The following KLC3 variants were observed in gnomAD, a reference collection of about 807,000 sequenced individuals.
KLC3 encodes the protein kinesin light chain 2.
A neutral mutation model predicts 62.9 loss-of-function variants in KLC3; 72 were observed. The ratio of observed to expected loss-of-function variants is 1.15; its 90% CI spans 0.95 to 1.39. KLC3 has a LOEUF of 1.39. KLC3 is among the 40% of genes most tolerant of loss of function. The probability of loss-of-function intolerance (pLI) is 0.00; values close to 1 mark genes in which losing one functional copy is unlikely to be tolerated. For missense variants in KLC3, 848 were observed against 691.6 expected (o/e 1.23, Z -2.54); for synonymous variants, 377 against 300.5 (o/e 1.25, Z -2.63).
chr19:45,350,713 C>T lies in KLC3; in HGVS notation c.1345C>T (p.Arg449Trp), dbSNP rs531834422. 2.5e-5 allele frequency: 40 copies of T among 1,613,258 alleles called. No homozygotes were observed. The highest frequency in any genetic ancestry group is 1.7e-4 in the Middle Eastern group (1 of 6,042). Reference sequence around the variant, plus strand: ...GCGAGGAAGTGAGAAGCTGGTCTCCCGGCTCCGAGGCGAGGCGGCGGCAGG... The same window carrying T: ...GCGAGGAAGTGAGAAGCTGGTCTCCTGGCTCCGAGGCGAGGCGGCGGCAGG... ...IRRGSEKLVS[R>W]LRGEAAAGAA... The change falls in exon 11 of 13, where the codon CGG (arginine) becomes TGG (tryptophan). Residue 449 changes from arginine to tryptophan, a missense_variant. Physicochemically the swap from Arg to Trp is moderately radical, Grantham distance 101. Transcript: ENST00000391946.
chr19:45,341,578 T>TGTGTGTGTGCGCGCGTGC, intron 1 of KLC3, among the ~76,000 whole-genome samples: 1 of 139,800 alleles, frequency 7.2e-6, no homozygotes, highest in Non-Finnish European at 1.6e-5. Context: ...TGTGTGTGTG[T>TGTGTGTGTGCGCGCGTGC]GCGCGCGCGC....
chr19:45,348,942 C>T, intron 7 of KLC3, 21 bp downstream of exon 7: 3 of 1,544,148 alleles, frequency 1.9e-6, no homozygotes, highest in Non-Finnish European at 2.6e-6. Flanking sequence ...CCTCACCCCA[C>T]CCCGAGGAAC....
Position 45,350,652 on chromosome 19 carries a change from C to T in KLC3, c.1284C>T (p.Arg428=), listed in dbSNP as rs3916902. ...CGGCCCCTCCCCAGGCCCTTCGCCGCAGCAGCTCACTCTCCAAGATCCGTG... is the reference window on the plus strand; with the variant it reads ...CGGCCCCTCCCCAGGCCCTTCGCCGTAGCAGCTCACTCTCCAAGATCCGTG... ...TAGDAEQALR[R]SSSLSKIRES... Residue 428 remains arginine (R), a synonymous_variant, in exon 11 of 13, where the codon CGC becomes CGT. Coordinates refer to ENST00000391946, the MANE Select transcript of KLC3 (RefSeq NM_177417.3). The T allele has an allele frequency of 1.1e-3, 1,762 of 1,613,596 alleles. 38 individuals are homozygous for T. The South Asian group carries it at 0.018, about 17-fold the overall frequency.
At chr19:45,349,705 GC>G (rs767321436) in intron 8 of KLC3, 103 bp downstream of exon 8, 60 of 789,220 alleles carry the variant, frequency 7.6e-5, no homozygotes, top group South Asian at 1.2e-4. Context: ...GTGGGGGGGG[GC>G]CCCCCAGGCC....
At chr19:45,345,161 G>C (rs1971462975) in intron 1 of KLC3, 4 of 414,810 alleles carry the variant, frequency 9.6e-6, no homozygotes, top group Admixed American at 4.2e-5. Context: ...TCTGGGCCAG[G>C]GGATCCAAGG....
At position 45,350,641 on chromosome 19, in the gene KLC3, G is replaced by A. The variant is rs1302648570; in HGVS notation, c.1273G>A (p.Ala425Thr). Residue 425 changes from alanine (A) to threonine (T), a missense_variant and splice_region_variant, in exon 11 of 13, where the codon GCC becomes ACC. Ala to Thr is a moderately conservative substitution (Grantham distance 58). Coordinates refer to ENST00000391946, the MANE Select transcript of KLC3 (RefSeq NM_177417.3). ...NTGTAGDAEQALRRSSSLSKI... is the reference protein window; with the variant it reads ...NTGTAGDAEQTLRRSSSLSKI... ...AGCAGCATCCCCGGCCCCTCCCCAGGCCCTTCGCCGCAGCAGCTCACTCTC... is the reference window on the plus strand; with the variant it reads ...AGCAGCATCCCCGGCCCCTCCCCAGACCCTTCGCCGCAGCAGCTCACTCTC... The A allele has an allele frequency of 1.9e-6, 3 of 1,613,386 alleles. No homozygotes were observed. The highest frequency in any genetic ancestry group is 2.2e-5 in the East Asian group (1 of 44,842).
rs1255221011 is a variant in KLC3 at position 45,346,705 on chromosome 19, G to A, written c.420G>A (p.Leu140=). The change falls in exon 3 of 13, where the codon CTG becomes CTA. Residue 140 remains leucine (L), a synonymous_variant. Transcript: ENST00000391946. ...CCAGCGAGGAGTCCGTGGCCCAGCTGGAGGAGGAGAAGCGCCACCTGGAGT... is the reference window on the plus strand; with the variant it reads ...CCAGCGAGGAGTCCGTGGCCCAGCTAGAGGAGGAGAAGCGCCACCTGGAGT... ...LRASEESVAQ[L]EEEKRHLEFL... 1.9e-6 allele frequency: 3 copies of A among 1,577,142 alleles called. No individual in the cohort carries two copies. The highest frequency in any genetic ancestry group is 1.7e-6 in the Non-Finnish European group (2 of 1,162,962).
intron 3 of KLC3, 106 bp downstream of exon 3, chr19:45,346,880 C>A (rs897482654): frequency 4.7e-6 from 5 of 1,072,226 alleles, no homozygotes; most frequent in Non-Finnish European, 6.7e-6. Flanking sequence ...TCCTTAGAAT[C>A]CCACAGTCCC....
At chr19:45,341,701 C>T (rs947687297) in intron 1 of KLC3, among the ~76,000 whole-genome samples, 4 of 148,412 alleles carry the variant, frequency 2.7e-5, no homozygotes, top group African/African-American at 1.0e-4. Context: ...AGAAGTGGAG[C>T]TGTTTCATGG....
Position 45,351,415 on chromosome 19 carries a change from G to GGTGGGGTGAGAGGGGGTCTATC in KLC3, c.*59_*80dup. 1 of 1,596,894 alleles carries GGTGGGGTGAGAGGGGGTCTATC rather than the reference G, an allele frequency of 6.3e-7. No homozygotes were observed. Among genetic ancestry groups the GGTGGGGTGAGAGGGGGTCTATC allele is most frequent in the South Asian group, 1.1e-5 (1 of 90,694 alleles). ...GGGAACAGTGCAGGAGGGATGGGCT[G>GGTGGGGTGAGAGGGGGTCTATC]GTGGGGTGAGAGGGGGTCTATCATC... On this transcript the variant is annotated 3_prime_UTR_variant, in exon 13 of 13. Transcript: ENST00000391946.
rs202158624 is a variant in KLC3 at position 45,348,683 on chromosome 19, C to G, written c.817C>G (p.His273Asp). 4 of 1,596,384 alleles carry G rather than the reference C, an allele frequency of 2.5e-6. No individual in the cohort carries two copies. Among genetic ancestry groups the G allele is most frequent in the Non-Finnish European group, 3.4e-6 (4 of 1,171,852 alleles). ...NKYKEATDLLHDALQIREQTL... is the reference protein window; with the variant it reads ...NKYKEATDLLDDALQIREQTL... Reference sequence around the variant, plus strand: ...GTACAAAGAAGCCACAGACCTTCTCCATGATGCCCTGCAGATCCGGGAGCA... The same window carrying G: ...GTACAAAGAAGCCACAGACCTTCTCGATGATGCCCTGCAGATCCGGGAGCA... Residue 273 changes from histidine (H) to aspartate (D), a missense_variant, in exon 6 of 13, where the codon CAT becomes GAT. By Grantham distance (81) the His-to-Asp change is moderately conservative. Coordinates refer to ENST00000391946, the MANE Select transcript of KLC3 (RefSeq NM_177417.3).
At chr19:45,343,777 A>G (rs532861735) in intron 1 of KLC3, among the ~76,000 whole-genome samples, 3 of 152,226 alleles carry the variant, frequency 2.0e-5, no homozygotes, top group Non-Finnish European at 4.4e-5. Context: ...GTTTTTACTG[A>G]GTTGTATATT....
Position 45,348,070 on chromosome 19 carries a change from G to A in KLC3, c.689G>A (p.Cys230Tyr). The change falls in exon 5 of 13, where the codon TGC becomes TAC. Residue 230 changes from cysteine (C) to tyrosine (Y), a missense_variant. Coordinates refer to ENST00000391946, the MANE Select transcript of KLC3 (RefSeq NM_177417.3). Reference sequence around the variant, plus strand: ...CGCTATGAGGTGGCGGTGCCTCTGTGCCGCCAGGCCTTGGAGGACCTGGAG... The same window carrying A: ...CGCTATGAGGTGGCGGTGCCTCTGTACCGCCAGGCCTTGGAGGACCTGGAG... ...QGRYEVAVPL[C>Y]RQALEDLERS... The A allele has an allele frequency of 2.5e-6, 4 of 1,602,160 alleles. No individual in the cohort carries two copies. Among genetic ancestry groups the A allele is most frequent in the Non-Finnish European group, 3.4e-6 (4 of 1,174,702 alleles).
At chr19:45,345,827 G>C in intron 2 of KLC3, 28 bp downstream of exon 2, 2 of 1,533,162 alleles carry the variant, frequency 1.3e-6, no homozygotes, top group Non-Finnish European at 1.8e-6. Flanking sequence ...GGGGAGCTGG[G>C]GGAAGGTCAG....
At chr19:45,342,558 G>A (rs1419818131) in intron 1 of KLC3, among the ~76,000 whole-genome samples, 2 of 152,118 alleles carry the variant, frequency 1.3e-5, no homozygotes, top group African/African-American at 2.4e-5. Flanking sequence ...TTGAGGTCAG[G>A]AGTTTGAGAC....
intron 3 of KLC3, 151 bp downstream of exon 3, chr19:45,346,925 C>A (rs1193941987): frequency 1.1e-5 from 7 of 653,196 alleles, no homozygotes; most frequent in Non-Finnish European, 1.5e-5. Context: ...GTCCCCCAAC[C>A]CTCCACAGAG....
rs373157686 is a variant in KLC3 at position 45,350,423 on chromosome 19, C to A, written c.1226C>A (p.Ala409Asp). The A allele has an allele frequency of 1.9e-6, 3 of 1,613,900 alleles. No homozygotes were observed. Among genetic ancestry groups the A allele is most frequent in the South Asian group, 1.1e-5 (1 of 91,044 alleles). Residue 409 changes from alanine (A) to aspartate (D), a missense_variant, in exon 9 of 13, where the codon GCC becomes GAC. Coordinates refer to ENST00000391946, the MANE Select transcript of KLC3 (RefSeq NM_177417.3). ...KEILHKEDLP[A>D]PLGAPNTGTA... ...ATCCTCCACAAGGAGGACCTACCCG[C>A]CCCTCTCGGTGAGCCCCTAGCCCCT...
At chr19:45,351,046 A>AGG in intron 12 of KLC3, 29 bp downstream of exon 12, 1 of 1,613,938 alleles carries the variant, frequency 6.2e-7, no homozygotes, top group Non-Finnish European at 8.5e-7. Flanking sequence ...TCAAAAATAG[A>AGG]GGAGGCCATG....
intron 5 of KLC3, 29 bp from the exon 6 acceptor site, chr19:45,348,617 C>T (rs1218470621): frequency 5.8e-6 from 9 of 1,552,746 alleles, no homozygotes; most frequent in African/African-American, 1.4e-5. Flanking sequence ...CTTGGCTAAC[C>T]CCCTCCATTC....
Sources: gnomAD v4.1 joint callset for allele counts (sites outside exome capture counted in the v4.1 genomes callset) on GRCh38, gnomAD v4.1.1 for gene constraint, MANE v1.5 for transcripts, NCBI Gene and HGNC (gene_info 2026-07-23, HGNC 2026-07-21) for gene names.